The following TAF1B variants were observed in gnomAD, a reference collection of about 807,000 sequenced individuals.
TAF1B encodes TATA box-binding protein-associated factor RNA polymerase I subunit B.
In TAF1B, 61 loss-of-function variants were observed where a neutral mutation model predicts 83.9. That is an observed-to-expected ratio of 0.73 (90% confidence interval 0.59 to 0.90). TAF1B has a LOEUF of 0.90. Ranked by LOEUF, TAF1B falls within the 40% of genes least tolerant of loss-of-function variation. The pLI is 0.00. For missense variants in TAF1B, 625 were observed against 677.0 expected, an observed-to-expected ratio of 0.92 and a Z score of 0.85; for synonymous variants, 221 against 224.6, an observed-to-expected ratio of 0.98 and a Z score of 0.14.
intron 14 of TAF1B, among the ~76,000 whole-genome samples, chr2:9,922,124 C>T (rs956701245): frequency 3.9e-5 from 6 of 152,144 alleles, no homozygotes; most frequent in South Asian, 2.1e-4. Flanking sequence ...ATCATAGAAT[C>T]GGGCTGTTTC....
intron 3 of TAF1B, among the ~76,000 whole-genome samples, chr2:9,850,405 C>T (rs1663349602): frequency 6.6e-6 from 1 of 152,120 alleles, no homozygotes; most frequent in Non-Finnish European, 1.5e-5. Flanking sequence ...TAAAATACAA[C>T]TTTATCAGTT....
Position 9,919,097 on chromosome 2 carries a change from CAT to C in TAF1B, c.1332_1333del (p.Tyr444Ter), listed in dbSNP as rs1459994677. The C allele has an allele frequency of 1.2e-6, 2 of 1,613,768 alleles. No individual in the cohort carries two copies. Among genetic ancestry groups the C allele is most frequent in the Admixed American group, 1.7e-5 (1 of 59,910 alleles). The stretch of plus-strand genomic sequence containing the variant: ...TACTCATTTGTCGACAAACCAGTAG[CAT>C]ATAAAAAAAGAGGTAAGTCAAATTT... On this transcript the variant is annotated frameshift_variant, in exon 13 of 15. Transcript: ENST00000263663. LOFTEE classifies it high-confidence loss of function.
intron 1 of TAF1B, among the ~76,000 whole-genome samples, chr2:9,844,830 C>T (rs967053674): frequency 6.6e-6 from 1 of 152,136 alleles, no homozygotes; most frequent in African/African-American, 2.4e-5. Context: ...AATCTAGTTC[C>T]TCTGTGGTAT....
Position 9,924,163 on chromosome 2 carries a change from A to G in TAF1B, c.1565+4343A>G, listed in dbSNP as rs74437806. 3.2e-3 allele frequency among the ~76,000 whole-genome samples: 493 copies of G among 152,272 alleles called. 3 individuals are homozygous for G. Among genetic ancestry groups the G allele is most frequent in the African/African-American group, 0.011 (473 of 41,538 alleles). ...CTTTAGGCACCAAACTTATCTGTCA[A>G]CCTTACCTGTTCTAGACCAGAGCCT... On this transcript the variant is annotated intron_variant, in intron 14 of 14. Coordinates refer to ENST00000263663, the MANE Select transcript of TAF1B (RefSeq NM_005680.3).
At position 9,911,008 on chromosome 2, in the gene TAF1B, AAG is replaced by A. The variant is rs1419693725; in HGVS notation, c.1133+98_1133+99del. 6.7e-6 allele frequency: 8 copies of A among 1,189,488 alleles called. No individual in the cohort carries two copies. In the African/African-American group the frequency reaches 1.1e-4, roughly 16 times the overall value. The allele number at this position is 1,189,488 out of a possible 1,614,324, so 73.7% of individuals were successfully genotyped here. The stretch of plus-strand genomic sequence containing the variant: ...AAATGTCATGAAGACACTTTAAAAA[AAG>A]AGCTAAAGAAAAAATTTGTACTGTA... On this transcript the variant is annotated intron_variant, in intron 10 of 14. Transcript: ENST00000263663.
intron 5 of TAF1B, among the ~76,000 whole-genome samples, chr2:9,858,907 C>T (rs74259014): frequency 0.23 from 34,596 of 152,180 alleles, 4,779 homozygotes; most frequent in East Asian, 0.31. Context: ...ATGGGAGGGG[C>T]TGTCTCGAAG....
chr2:9,915,077 A>G (rs1287749254), intron 12 of TAF1B, among the ~76,000 whole-genome samples: 1 of 152,254 alleles, frequency 6.6e-6, no homozygotes, highest in Non-Finnish European at 1.5e-5. Flanking sequence ...AAACAGCGTA[A>G]GAGGCTACTT....
At position 9,843,497 on chromosome 2, in the gene TAF1B, A is replaced by ACCCGGGTAACGGGT; in HGVS notation, c.-39_-26dup. 6.6e-7 allele frequency: 1 copy of ACCCGGGTAACGGGT among 1,518,630 alleles called. No homozygotes were observed. The highest frequency in any genetic ancestry group is 8.9e-7 in the Non-Finnish European group (1 of 1,128,516). The allele number at this position is 1,518,630 out of a possible 1,614,324, so 94.1% of individuals were successfully genotyped here. A position where few individuals can be genotyped will look rare whatever the true frequency, so the allele number is the denominator to read the frequency against. ...GCCTTTCCCGGAAGCTGCGCTCGCT[A>ACCCGGGTAACGGGT]CCCGGGTAACGGGTCCCGGCTGTGG... On this transcript the variant is annotated 5_prime_UTR_variant, in exon 1 of 15. Coordinates refer to ENST00000263663, the MANE Select transcript of TAF1B (RefSeq NM_005680.3).
chr2:9,922,695 T>G (rs1054276568), intron 14 of TAF1B, among the ~76,000 whole-genome samples: 1 of 152,158 alleles, frequency 6.6e-6, no homozygotes, highest in Non-Finnish European at 1.5e-5. Flanking sequence ...TGTAAGGGCC[T>G]TGAGAATGTA....
chr2:9,904,097 G>A lies in TAF1B; in HGVS notation c.808-762G>A, dbSNP rs934714861. Among the ~76,000 whole-genome samples the A allele has an allele frequency of 2.6e-5, 4 of 151,946 alleles. No homozygotes were observed. The East Asian group carries it at 7.7e-4, about 29-fold the overall frequency. On this transcript the variant is annotated intron_variant, in intron 8 of 14. Transcript: ENST00000263663. ...TACTTTGGCTTGGAACATATTACTT[G>A]CTAAATCAGAAATTTTTTTTTTCTT...
chr2:9,868,539 A>G (rs2125146480), intron 6 of TAF1B, 110 bp downstream of exon 6: 2 of 1,410,432 alleles, frequency 1.4e-6, no homozygotes, highest in Non-Finnish European at 2.0e-6. Flanking sequence ...TCTAGCGAGG[A>G]AGAATCTAGC....
intron 7 of TAF1B, among the ~76,000 whole-genome samples, chr2:9,881,777 G>T (rs1572245221): frequency 1.3e-5 from 2 of 152,182 alleles, no homozygotes; most frequent in South Asian, 4.1e-4. Flanking sequence ...TTATGTGTAT[G>T]TGTTATTTTC....
chr2:9,926,393 T>A (rs550662362), intron 14 of TAF1B, among the ~76,000 whole-genome samples: 3 of 152,190 alleles, frequency 2.0e-5, no homozygotes, highest in South Asian at 4.1e-4. Context: ...CTCTCTTTTT[T>A]CTTCTTACAA....
chr2:9,847,183 T>C (rs1358186739), intron 2 of TAF1B, among the ~76,000 whole-genome samples: 8 of 152,234 alleles, frequency 5.3e-5, no homozygotes, highest in Non-Finnish European at 1.0e-4. Context: ...TTTGGAAGAC[T>C]GTCAACTCCT....
chr2:9,913,287 C>A, intron 12 of TAF1B, 38 bp downstream of exon 12: 1 of 1,481,262 alleles, frequency 6.8e-7, no homozygotes, highest in Non-Finnish European at 9.4e-7. Flanking sequence ...ACCTGCCTTA[C>A]TTCTGTGTCT....
intron 8 of TAF1B, among the ~76,000 whole-genome samples, chr2:9,888,838 T>C (rs1664773913): frequency 6.9e-6 from 1 of 145,668 alleles, no homozygotes. Context: ...ATTTTTGCTC[T>C]TGTCGCCCAG....
intron 5 of TAF1B, among the ~76,000 whole-genome samples, chr2:9,859,597 A>G (rs921844501): frequency 4.6e-5 from 7 of 152,078 alleles, no homozygotes; most frequent in Non-Finnish European, 8.8e-5. Context: ...TGTGTTGGTC[A>G]GGCTGGTCTT....
intron 8 of TAF1B, among the ~76,000 whole-genome samples, chr2:9,883,322 G>C (rs758805180): frequency 6.6e-6 from 1 of 152,126 alleles, no homozygotes; most frequent in Non-Finnish European, 1.5e-5. Flanking sequence ...GGTACTCAAA[G>C]GTTATTTCCC....
intron 6 of TAF1B, among the ~76,000 whole-genome samples, chr2:9,873,605 C>T (rs1223453124): frequency 2.0e-5 from 3 of 148,234 alleles, no homozygotes; most frequent in South Asian, 2.1e-4. Flanking sequence ...ACATTGATTT[C>T]GCTCATCAAA....
Sources: gnomAD v4.1 joint callset for allele counts (sites outside exome capture counted in the v4.1 genomes callset) on GRCh38, gnomAD v4.1.1 for gene constraint, MANE v1.5 for transcripts, NCBI Gene and HGNC (gene_info 2026-07-23, HGNC 2026-07-21) for gene names.